WFDC1: variants seen among roughly 807,000 people sequenced by gnomAD.
The protein encoded by WFDC1 is WAP four-disulfide core domain 1.
In WFDC1, 39 loss-of-function variants were observed where a neutral mutation model predicts 32.9. The observed-to-expected ratio is 1.19, with a 90% CI of 0.92 to 1.55. The LOEUF (loss-of-function observed/expected upper bound fraction) is 1.55, where lower values mean the gene tolerates loss of function less well. WFDC1 is among the 40% of genes most tolerant of loss of function. The probability of loss-of-function intolerance (pLI) is 0.00; values close to 1 mark genes in which losing one functional copy is unlikely to be tolerated. For missense variants in WFDC1, 386 were observed against 309.5 expected (o/e 1.25, Z -1.85); for synonymous variants, 184 against 137.4 (o/e 1.34, Z -2.37).
chr16:84,320,415 T>G (rs1356955332), intron 4 of WFDC1, among the ~76,000 whole-genome samples: 1 of 152,250 alleles, frequency 6.6e-6, no homozygotes, highest in African/African-American at 2.4e-5. Flanking sequence ...ATCCTTAACT[T>G]CCAGAACTTC....
At chr16:84,308,653 T>C in intron 1 of WFDC1, among the ~76,000 whole-genome samples, 1 of 151,224 alleles carries the variant, frequency 6.6e-6, no homozygotes, top group South Asian at 2.1e-4. Flanking sequence ...GGGTGTACAC[T>C]CCATCCTGAG....
chr16:84,325,930 C>G (rs1567665675), intron 5 of WFDC1: 1 of 151,720 alleles, frequency 6.6e-6, no homozygotes, highest in Non-Finnish European at 1.5e-5. Context: ...CTTCTTTCAT[C>G]CATTCATACA....
chr16:84,320,200 C>G (rs986830451), intron 4 of WFDC1, among the ~76,000 whole-genome samples: 8 of 152,172 alleles, frequency 5.3e-5, no homozygotes, highest in Admixed American at 2.0e-4. Flanking sequence ...GATGACTTTG[C>G]CCAACTCTAG....
At chr16:84,314,006 C>T (rs1907803792) in intron 2 of WFDC1, among the ~76,000 whole-genome samples, 1 of 151,556 alleles carries the variant, frequency 6.6e-6, no homozygotes, top group African/African-American at 2.4e-5. Context: ...TGTGCCATTG[C>T]ACTCCAGCGT....
intron 5 of WFDC1, chr16:84,326,586 C>G: frequency 2.7e-6 from 1 of 374,902 alleles, no homozygotes; most frequent in South Asian, 4.6e-5. Flanking sequence ...AGCAGAATGG[C>G]ATGTGTGAAG....
At chr16:84,326,411 A>G (rs1409971856) in intron 5 of WFDC1, 1 of 163,322 alleles carries the variant, frequency 6.1e-6, no homozygotes, top group East Asian at 1.7e-4. Flanking sequence ...CAAGCAGAAA[A>G]TTCAGACATG....
chr16:84,323,006 G>A (rs943327539), intron 4 of WFDC1, among the ~76,000 whole-genome samples: 3 of 152,254 alleles, frequency 2.0e-5, no homozygotes, highest in East Asian at 3.9e-4. Flanking sequence ...GAGGGGGTCC[G>A]GGGTCCACAT....
chr16:84,312,854 G>C (rs941300429), intron 1 of WFDC1, 107 bp from the exon 2 acceptor site: 1 of 627,008 alleles, frequency 1.6e-6, no homozygotes, highest in Non-Finnish European at 2.1e-6. Flanking sequence ...AAGAGGAAAC[G>C]CAGGCTCAGA....
chr16:84,302,137 G>A (rs244835), intron 1 of WFDC1, among the ~76,000 whole-genome samples: 43,280 of 151,926 alleles, frequency 0.28, 6,716 homozygotes, highest in East Asian at 0.48. Context: ...GACACTGTTT[G>A]GATGCAACGT....
At chr16:84,321,152 T>C (rs75705018) in intron 4 of WFDC1, among the ~76,000 whole-genome samples, 3,308 of 152,344 alleles carry the variant, frequency 0.022, 77 homozygotes, top group African/African-American at 0.061. Flanking sequence ...CCCTTACTGC[T>C]GTGGGCAGCA....
At chr16:84,297,838 A>G (rs1363921711) in intron 1 of WFDC1, among the ~76,000 whole-genome samples, 1 of 152,022 alleles carries the variant, frequency 6.6e-6, no homozygotes, top group African/African-American at 2.4e-5. Context: ...TGGAGAACCT[A>G]TGACTTTCAT....
At chr16:84,308,364 G>A (rs1907394128) in intron 1 of WFDC1, among the ~76,000 whole-genome samples, 1 of 152,216 alleles carries the variant, frequency 6.6e-6, no homozygotes, top group East Asian at 1.9e-4. Flanking sequence ...TACCCAGATA[G>A]GCACGCAGGA....
intron 3 of WFDC1, chr16:84,319,107 G>C (rs1410680509): frequency 2.6e-6 from 1 of 383,874 alleles, no homozygotes; most frequent in African/African-American, 2.0e-5. Flanking sequence ...GTGTCCCCAT[G>C]CGACTGTAGG....
intron 1 of WFDC1, among the ~76,000 whole-genome samples, chr16:84,311,393 C>CTTTTTTT (rs59991540): frequency 3.8e-5 from 4 of 104,286 alleles, no homozygotes; most frequent in Non-Finnish European, 6.1e-5. Flanking sequence ...AATTTTTTTT[C>CTTTTTTT]TTTTTTTTGT....
At chr16:84,297,141 G>C in intron 1 of WFDC1, among the ~76,000 whole-genome samples, 1 of 152,140 alleles carries the variant, frequency 6.6e-6, no homozygotes, top group East Asian at 1.9e-4. Flanking sequence ...TATGCGCGGG[G>C]GATTTGGGGG....
rs892972509 is a variant in WFDC1, at chr16:84,313,094, GGCGCT to G, written c.281_285del (p.Arg94LeufsTer41). ...GCGGACTCCGAGTGCCCGCGGCACC[GGCGCT>G]GCTGCTACAACGGATGCGCCTACGC... On this transcript the variant is annotated frameshift_variant, in exon 2 of 7. Coordinates refer to ENST00000219454, the MANE Select transcript of WFDC1 (RefSeq NM_021197.4). LOFTEE classifies it high-confidence loss of function. 3.0e-5 allele frequency: 43 copies of G among 1,431,376 alleles called. No individual in the cohort carries two copies. Among genetic ancestry groups the G allele is most frequent in the Non-Finnish European group, 3.8e-5 (42 of 1,097,856 alleles). 88.7% of individuals were successfully genotyped at this position (1,431,376 alleles called of 1,614,324 possible).
At chr16:84,300,152 A>G (rs1906848260) in intron 1 of WFDC1, among the ~76,000 whole-genome samples, 1 of 152,144 alleles carries the variant, frequency 6.6e-6, no homozygotes, top group South Asian at 2.1e-4. Flanking sequence ...TCATCTTTGT[A>G]CCGTAAGCAT....
At chr16:84,316,617 A>G (rs1907965112) in intron 2 of WFDC1, 1 of 39,420 alleles carries the variant, frequency 2.5e-5, no homozygotes, top group African/African-American at 8.8e-5. Context: ...CATCATCATC[A>G]TCATTAGTAA....
In WFDC1 at chr16:84,296,876, G is replaced by T. The variant is rs552808687; in HGVS notation, c.144+1761G>T. The T allele has an allele frequency of 2.6e-5, 4 of 152,310 alleles. No homozygotes were observed. The South Asian group carries it at 8.3e-4, about 31-fold the overall frequency. The allele number at this position is 152,310 out of a possible 1,614,324, so 9.4% of individuals were successfully genotyped here. On this transcript the variant is annotated intron_variant, in intron 1 of 6. Transcript: ENST00000219454. ...TCACAGGCAGAAGTGGTGCATCTAAGAGCTGCTTGGGAGACCAGACCTGGC... is the reference window on the plus strand; with the variant it reads ...TCACAGGCAGAAGTGGTGCATCTAATAGCTGCTTGGGAGACCAGACCTGGC...
Sources: gnomAD v4.1 joint callset for allele counts (sites outside exome capture counted in the v4.1 genomes callset) on GRCh38, gnomAD v4.1.1 for gene constraint, MANE v1.5 for transcripts, NCBI Gene and HGNC (gene_info 2026-07-23, HGNC 2026-07-21) for gene names.